ATG16L1: variants seen among roughly 807,000 people sequenced by gnomAD.
ATG16L1 encodes autophagy related 16 like 1.
A neutral mutation model predicts 88.5 loss-of-function variants in ATG16L1; 37 were observed. The observed-to-expected ratio is 0.42, with a 90% CI of 0.32 to 0.55. The LOEUF (loss-of-function observed/expected upper bound fraction) is 0.55, where lower values mean the gene tolerates loss of function less well. ATG16L1 is among the 20% of genes least tolerant of loss of function. The pLI is 0.13. For synonymous variants in ATG16L1, 301 were observed against 281.0 expected (o/e 1.07, Z -0.71); for missense variants, 554 against 752.8 (o/e 0.74, Z 3.09).
chr2:233,264,156 G>T (rs999935525), intron 4 of ATG16L1, 91 bp downstream of exon 4: 29 of 1,275,618 alleles, frequency 2.3e-5, no homozygotes, highest in African/African-American at 2.2e-4. Flanking sequence ...CAGTGGCAGT[G>T]AGTGGCCACA....
intron 5 of ATG16L1, among the ~76,000 whole-genome samples, chr2:233,267,582 C>T (rs1012541459): frequency 2.6e-5 from 4 of 152,086 alleles, no homozygotes; most frequent in African/African-American, 9.7e-5. Context: ...TTTCCGGTTT[C>T]TATTAAGAAA....
rs1485396476 is a variant in ATG16L1 at position 233,251,903 on chromosome 2, C to T, written c.76C>T (p.Arg26Trp). The change falls in exon 1 of 18, where the codon CGG (arginine) becomes TGG (tryptophan). Residue 26 changes from arginine (R) to tryptophan (W), a missense_variant. Transcript: ENST00000392017. The stretch of plus-strand genomic sequence containing the variant: ...CTCGGAGCAACTGAGGCGCCGGGAC[C>T]GGCTGCAGAGACAGGCGTTCGAGGA... ...HISEQLRRRD[R>W]LQRQAFEEII... The T allele has an allele frequency of 1.9e-6, 3 of 1,550,774 alleles. No homozygotes were observed. The highest frequency in any genetic ancestry group is 1.7e-6 in the Non-Finnish European group (2 of 1,147,590).
chr2:233,271,434 ACG>A (rs1167689517), intron 6 of ATG16L1, among the ~76,000 whole-genome samples: 7 of 152,172 alleles, frequency 4.6e-5, no homozygotes, highest in Non-Finnish European at 1.0e-4. Context: ...ATGCGCCACC[ACG>A]CCCAGCTAAT....
intron 11 of ATG16L1, 34 bp from the exon 12 acceptor site, chr2:233,282,648 T>C: frequency 6.3e-7 from 1 of 1,589,364 alleles, no homozygotes; most frequent in South Asian, 1.1e-5. Context: ...CTGATTTGGC[T>C]AAAAATTGGT....
chr2:233,258,791 G>T (rs1696993734), intron 2 of ATG16L1, among the ~76,000 whole-genome samples: 1 of 152,076 alleles, frequency 6.6e-6, no homozygotes, highest in South Asian at 2.1e-4. Flanking sequence ...CAACTTCCAG[G>T]GCTCAAGCAA....
intron 17 of ATG16L1, among the ~76,000 whole-genome samples, chr2:233,293,743 T>C (rs1699625716): frequency 6.6e-6 from 1 of 152,174 alleles, no homozygotes; most frequent in Non-Finnish European, 1.5e-5. Flanking sequence ...TCCTAAACAC[T>C]GATCTCCACA....
At chr2:233,278,200 A>G (rs1178082259) in intron 10 of ATG16L1, among the ~76,000 whole-genome samples, 1 of 152,228 alleles carries the variant, frequency 6.6e-6, no homozygotes, top group Non-Finnish European at 1.5e-5. Context: ...CCCTTAGATC[A>G]AGACTCAGTC....
chr2:233,288,564 G>A, intron 12 of ATG16L1: 1 of 339,952 alleles, frequency 2.9e-6, no homozygotes, highest in Non-Finnish European at 5.9e-6. Flanking sequence ...TTACCAGTGT[G>A]AGCCACTTTG....
At chr2:233,279,697 T>G (rs1698598613) in intron 10 of ATG16L1, among the ~76,000 whole-genome samples, 1 of 152,166 alleles carries the variant, frequency 6.6e-6, no homozygotes, top group Non-Finnish European at 1.5e-5. Flanking sequence ...TTTTGCTCAT[T>G]TTCTCCAAAG....
rs189060703 is a variant in ATG16L1, at chr2:233,256,839, C to T, written c.209+644C>T. On this transcript the variant is annotated intron_variant, in intron 2 of 17. Transcript: ENST00000392017. ...GCCTCAGCCTCCCAAATAGCTGGGTCTACAGGAACCCACCACCACACCTGG... is the reference window on the plus strand; with the variant it reads ...GCCTCAGCCTCCCAAATAGCTGGGTTTACAGGAACCCACCACCACACCTGG... Among the ~76,000 whole-genome samples the T allele has an allele frequency of 4.6e-3, 698 of 151,916 alleles. 4 individuals are homozygous for T. Among genetic ancestry groups the T allele is most frequent in the Middle Eastern group, 0.031 (9 of 294 alleles).
At chr2:233,257,707 T>A (rs895493263) in intron 2 of ATG16L1, among the ~76,000 whole-genome samples, 8 of 152,226 alleles carry the variant, frequency 5.3e-5, no homozygotes, top group African/African-American at 1.9e-4. Context: ...AGAACTAGAT[T>A]AGAAAAATAT....
intron 12 of ATG16L1, among the ~76,000 whole-genome samples, chr2:233,286,190 C>T (rs1699060532): frequency 2.0e-5 from 3 of 152,078 alleles, no homozygotes; most frequent in African/African-American, 7.2e-5. Flanking sequence ...GTTATGTTAG[C>T]TGCATGATTA....
intron 11 of ATG16L1, among the ~76,000 whole-genome samples, chr2:233,282,118 G>T (rs1461194350): frequency 6.6e-6 from 1 of 152,202 alleles, no homozygotes; most frequent in Non-Finnish European, 1.5e-5. Flanking sequence ...GGAGACTTGA[G>T]AGATTTTTAG....
chr2:233,265,481 A>G (rs1697501702), intron 5 of ATG16L1, among the ~76,000 whole-genome samples: 1 of 152,122 alleles, frequency 6.6e-6, no homozygotes, highest in African/African-American at 2.4e-5. Context: ...ATTTTTATTT[A>G]TTTTTTGAGA....
intron 12 of ATG16L1, chr2:233,283,083 C>T (rs1299686680): frequency 4.0e-6 from 1 of 249,182 alleles, no homozygotes; most frequent in African/African-American, 2.2e-5. Flanking sequence ...TTCCTGTGGG[C>T]TCTAAAACCT....
At chr2:233,291,386 G>A (rs1699450784) in intron 14 of ATG16L1, among the ~76,000 whole-genome samples, 1 of 152,262 alleles carries the variant, frequency 6.6e-6, no homozygotes. Flanking sequence ...TTTGACAGGT[G>A]AAGACCCTGA....
At chr2:233,271,712 C>T (rs1698007614) in intron 6 of ATG16L1, among the ~76,000 whole-genome samples, 1 of 152,240 alleles carries the variant, frequency 6.6e-6, no homozygotes, top group Admixed American at 6.5e-5. Context: ...GTTGCAAGTA[C>T]TTAAAACCAT....
chr2:233,274,558 A>T, intron 8 of ATG16L1, 118 bp from the exon 9 acceptor site: 1 of 650,556 alleles, frequency 1.5e-6, no homozygotes. Flanking sequence ...CTAGAAGGAC[A>T]GGCTATCAAC....
Position 233,282,534 on chromosome 2 carries a change from A to T in ATG16L1, c.1132-148A>T, listed in dbSNP as rs1421607807. On this transcript the variant is annotated intron_variant, in intron 11 of 17. Coordinates refer to ENST00000392017, the MANE Select transcript of ATG16L1 (RefSeq NM_030803.7). The stretch of plus-strand genomic sequence containing the variant: ...GAAGGAGACTGGCGAGTTGAAGCAC[A>T]CTCACGACAGTAGCTGGTATTCAGG... The T allele has an allele frequency of 5.8e-6, 4 of 686,926 alleles. No homozygotes were observed. The African/African-American group carries it at 7.1e-5, about 12-fold the overall frequency. 42.6% of individuals were successfully genotyped at this position (686,926 alleles called of 1,614,324 possible). A position where few individuals can be genotyped will look rare whatever the true frequency, so the allele number is the denominator to read the frequency against.
Sources: gnomAD v4.1 joint callset for allele counts (sites outside exome capture counted in the v4.1 genomes callset) on GRCh38, gnomAD v4.1.1 for gene constraint, MANE v1.5 for transcripts, NCBI Gene and HGNC (gene_info 2026-07-23, HGNC 2026-07-21) for gene names.